Variants in NSD1 observed in about 807,000 individuals in gnomAD.
NSD1 encodes the protein nuclear receptor binding SET domain protein 1.
In NSD1, 26 loss-of-function variants were observed where a neutral mutation model predicts 242.7. That is an observed-to-expected ratio of 0.11 (90% confidence interval 0.08 to 0.15). NSD1 has a LOEUF of 0.15. NSD1 is among the 10% of genes least tolerant of loss of function. The pLI, the probability that NSD1 is intolerant of heterozygous loss-of-function variation, is 1.00. For missense variants in NSD1, 2,495 were observed against 3,272.8 expected (o/e 0.76, Z 5.80); for synonymous variants, 1,106 against 1,178.1 (o/e 0.94, Z 1.25).
chr5:177,136,759 A>C, intron 2 of NSD1: 1 of 533,044 alleles, frequency 1.9e-6, no homozygotes, highest in Non-Finnish European at 3.4e-6. Flanking sequence ...ACGCCCGGCT[A>C]ATTTTTGTAT....
chr5:177,135,455 C>T lies in NSD1; in HGVS notation c.352C>T (p.Pro118Ser). 1 of 1,614,156 alleles carries T rather than the reference C, an allele frequency of 6.2e-7. No homozygotes were observed. Residue 118 changes from proline to serine, a missense_variant, in exon 2 of 23, where the codon CCT becomes TCT. Around this residue, in one of 19 missense-constraint regions of NSD1, gnomAD observed 376 missense variants for 367.4 expected, o/e 1.02. Coordinates refer to ENST00000439151, the MANE Select transcript of NSD1 (RefSeq NM_022455.5). ...QTPIVCTSLS[P>S]GGPTALAMKQ... ...GCCAATTGTTTGCACTTCCTTGAGTCCTGGTGGTCCTACAGCACTTGCTAT... is the reference window on the plus strand; with the variant it reads ...GCCAATTGTTTGCACTTCCTTGAGTTCTGGTGGTCCTACAGCACTTGCTAT...
At chr5:177,176,273 T>A (rs114176620) in intron 2 of NSD1, among the ~76,000 whole-genome samples, 2,837 of 152,168 alleles carry the variant, frequency 0.019, 33 homozygotes, top group Middle Eastern at 0.031. Context: ...CCTTTTTTTT[T>A]TTTGAGATGG....
At chr5:177,236,981 T>C (rs954953904) in intron 6 of NSD1, among the ~76,000 whole-genome samples, 3 of 152,120 alleles carry the variant, frequency 2.0e-5, no homozygotes, top group Admixed American at 2.0e-4. Flanking sequence ...GGACCAAAGG[T>C]GCACACTACC....
chr5:177,230,392 T>G (rs529608641), intron 5 of NSD1, among the ~76,000 whole-genome samples: 2 of 152,294 alleles, frequency 1.3e-5, no homozygotes, highest in East Asian at 3.9e-4. Flanking sequence ...ATTTCTCACT[T>G]TAATTTCCAG....
intron 2 of NSD1, among the ~76,000 whole-genome samples, chr5:177,161,295 T>TA (rs1370683452): frequency 6.6e-6 from 1 of 151,736 alleles, no homozygotes; most frequent in Non-Finnish European, 1.5e-5. Context: ...GGTGGGAAGA[T>TA]ATCTGAGCTC....
chr5:177,205,013 A>T (rs183558170), intron 4 of NSD1, among the ~76,000 whole-genome samples: 1 of 152,180 alleles, frequency 6.6e-6, no homozygotes, highest in East Asian at 1.9e-4. Context: ...TCTGTTAATG[A>T]GAATAATGTG....
intron 2 of NSD1, among the ~76,000 whole-genome samples, chr5:177,158,997 T>TATATATATATATATATGAA (rs1758456710): frequency 1.6e-5 from 1 of 63,334 alleles, no homozygotes; most frequent in African/African-American, 1.3e-4. Flanking sequence ...TATGAATGAT[T>TATATATATATATATATGAA]TTATATATAT....
chr5:177,280,888 TC>T, intron 18 of NSD1, 54 bp downstream of exon 18: 2 of 1,561,654 alleles, frequency 1.3e-6, no homozygotes, highest in Non-Finnish European at 1.8e-6. Flanking sequence ...TTGCTTGATA[TC>T]ATTGATCCTT....
At position 177,252,976 on chromosome 5, in the gene NSD1, G is replaced by A. The variant is rs1016039730; in HGVS notation, c.4765+1123G>A. ...TAATGGTCAGTGACACTACCTGGGC[G>A]TATATGCTCTTATAACGAGTTACTG... On this transcript the variant is annotated intron_variant, in intron 12 of 22. Coordinates refer to ENST00000439151, the MANE Select transcript of NSD1 (RefSeq NM_022455.5). 4.6e-5 allele frequency among the ~76,000 whole-genome samples: 7 copies of A among 152,150 alleles called. No homozygotes were observed. In the South Asian group the frequency reaches 8.3e-4, roughly 18 times the overall value.
chr5:177,259,855 C>A, intron 13 of NSD1, 134 bp from the exon 14 acceptor site: 1 of 930,940 alleles, frequency 1.1e-6, no homozygotes, highest in Non-Finnish European at 1.7e-6. Context: ...TGTTTAAGAT[C>A]CATCATCTTA....
At position 177,291,943 on chromosome 5, in the gene NSD1, C is replaced by G; in HGVS notation, c.6259-11C>G. The G allele has an allele frequency of 6.2e-7, 1 of 1,612,462 alleles. No individual in the cohort carries two copies. The highest frequency in any genetic ancestry group is 2.2e-5 in the East Asian group (1 of 44,872). ...TCACAGAATGCTGACTGTTCAATAT[C>G]TGACCTGTAGAATCAACCCATTGCC... is the stretch of plus-strand genomic sequence containing the variant. On this transcript the variant is annotated splice_polypyrimidine_tract_variant and intron_variant, in intron 21 of 22. Transcript: ENST00000439151.
chr5:177,298,476 G>T lies in NSD1; in HGVS notation c.*3017G>T, dbSNP rs1760387079. ...CAAAGCCTCATTTGCTTATCTTGCTGGAGCCAACCCAGTCTAATAGCAAAA... is the reference window on the plus strand; with the variant it reads ...CAAAGCCTCATTTGCTTATCTTGCTTGAGCCAACCCAGTCTAATAGCAAAA... On this transcript the variant is annotated 3_prime_UTR_variant, in exon 23 of 23. Coordinates refer to ENST00000439151, the MANE Select transcript of NSD1 (RefSeq NM_022455.5). 4.3e-6 allele frequency: 1 copy of T among 233,128 alleles called. No individual in the cohort carries two copies. Among genetic ancestry groups the T allele is most frequent in the African/African-American group, 2.2e-5 (1 of 45,330 alleles). The allele number at this position is 233,128 out of a possible 1,614,324, so 14.4% of individuals were successfully genotyped here.
intron 2 of NSD1, among the ~76,000 whole-genome samples, chr5:177,165,024 T>G (rs2149792550): frequency 6.6e-6 from 1 of 151,938 alleles, no homozygotes; most frequent in South Asian, 2.1e-4. Flanking sequence ...TCCAGCATTT[T>G]GGGAGACCAA....
intron 5 of NSD1, among the ~76,000 whole-genome samples, chr5:177,225,533 T>C (rs184751769): frequency 1.3e-5 from 2 of 152,240 alleles, no homozygotes; most frequent in East Asian, 3.9e-4. Flanking sequence ...TATAACCCAA[T>C]TGTGGCCTTT....
At chr5:177,163,286 G>T (rs1167018037) in intron 2 of NSD1, among the ~76,000 whole-genome samples, 1 of 152,024 alleles carries the variant, frequency 6.6e-6, no homozygotes, top group Non-Finnish European at 1.5e-5. Context: ...GGGACTACAG[G>T]CACGCATCAC....
chr5:177,235,907 A>G lies in NSD1; in HGVS notation c.3883A>G (p.Lys1295Glu), dbSNP rs1411102507. The change falls in exon 6 of 23, where the codon AAG (lysine) becomes GAG (glutamate). Residue 1295 changes from lysine to glutamate, a missense_variant. Transcript: ENST00000439151. ...AGAATATGATCAGATATTTGCTCCT[A>G]AGAAAAAACAAAAGAAGGTACAGGA... ...TEEYDQIFAP[K>E]KKQKKVQEQV... 1.2e-6 allele frequency: 2 copies of G among 1,614,022 alleles called. No individual in the cohort carries two copies. The highest frequency in any genetic ancestry group is 1.7e-6 in the Non-Finnish European group (2 of 1,179,904).
intron 2 of NSD1, among the ~76,000 whole-genome samples, chr5:177,150,148 T>A (rs917030750): frequency 6.6e-5 from 10 of 152,090 alleles, no homozygotes; most frequent in South Asian, 6.2e-4. Flanking sequence ...TTATTTATTT[T>A]TTTGAGATGG....
chr5:177,243,920 C>T (rs1037951537), intron 8 of NSD1, among the ~76,000 whole-genome samples: 7 of 151,962 alleles, frequency 4.6e-5, no homozygotes, highest in Non-Finnish European at 7.4e-5. Context: ...CTTTAACTCT[C>T]AACCTCAGGT....
intron 2 of NSD1, among the ~76,000 whole-genome samples, chr5:177,164,946 TAA>T (rs377654174): frequency 2.2e-4 from 30 of 134,318 alleles, no homozygotes; most frequent in Non-Finnish European, 2.6e-4. Flanking sequence ...TCTGTCTCAT[TAA>T]AAAAAAAAAA....
Sources: allele counts gnomAD v4.1 joint callset (sites outside exome capture counted in the v4.1 genomes callset), GRCh38; gene constraint gnomAD v4.1.1; regional missense constraint gnomAD v4.1.1; transcripts MANE v1.5; gene names NCBI Gene and HGNC (gene_info 2026-07-23, HGNC 2026-07-21).